GNAO1: variants seen among roughly 807,000 people sequenced by gnomAD.
GNAO1 encodes the protein G protein subunit alpha o1, also known as guanine nucleotide-binding protein G(o) subunit alpha.
For missense variants in GNAO1, 166 were observed against 478.7 expected (o/e 0.35, Z 6.10); for synonymous variants, 164 against 180.7 (o/e 0.91, Z 0.74).
chr16:56,322,481 G>A (rs182150199), intron 3 of GNAO1, among the ~76,000 whole-genome samples: 8 of 152,200 alleles, frequency 5.3e-5, no homozygotes, highest in Non-Finnish European at 1.2e-4. Context: ...AGACAAAGGA[G>A]CAGGGTCTCC....
chr16:56,197,431 C>G (rs1185694537), intron 2 of GNAO1, among the ~76,000 whole-genome samples: 1 of 152,204 alleles, frequency 6.6e-6, no homozygotes, highest in East Asian at 1.9e-4. Context: ...ATGGATGGTG[C>G]TCTCTCCCTC....
intron 3 of GNAO1, among the ~76,000 whole-genome samples, chr16:56,324,590 G>A (rs1174361858): frequency 2.6e-5 from 4 of 152,180 alleles, no homozygotes; most frequent in Middle Eastern, 3.2e-3. Flanking sequence ...AGGTGGAGGC[G>A]CCACCCCTGC....
Position 56,347,933 on chromosome 16 carries a change from G to A in GNAO1, c.724-3451G>A, listed in dbSNP as rs541142772. On this transcript the variant is annotated intron_variant, in intron 6 of 8. Transcript: ENST00000262493. The stretch of plus-strand genomic sequence containing the variant: ...CCGTCCCCCACCCTGCCCCTGCTGA[G>A]TATCTTCTTCCTCCCCACGCACCCC... The A allele has an allele frequency of 9.6e-6, 9 of 934,072 alleles. No homozygotes were observed. The South Asian group carries it at 4.5e-4, about 46-fold the overall frequency. The allele number at this position is 934,072 out of a possible 1,614,324, so 57.9% of individuals were successfully genotyped here.
intron 2 of GNAO1, among the ~76,000 whole-genome samples, chr16:56,199,701 G>T (rs1432978716): frequency 4.6e-5 from 7 of 152,200 alleles, no homozygotes; most frequent in Admixed American, 4.6e-4. Context: ...GGCTCTTTCG[G>T]GTTTCCAGCT....
Position 56,354,401 on chromosome 16 carries a change from C to T in GNAO1, c.878-465C>T, listed in dbSNP as rs1359687972. On this transcript the variant is annotated intron_variant, in intron 7 of 8. Transcript: ENST00000262493. This position sits in a 1 kb window ranked among gnomAD's most constrained non-coding sequence, Gnocchi z 4.3. The stretch of plus-strand genomic sequence containing the variant: ...TATCAAAAGTAATGGCAAGGCCAGG[C>T]GTGGTGGCTCACGTCTGTAATCCCA... Among the ~76,000 whole-genome samples, 3 of 152,212 alleles carry T rather than the reference C, an allele frequency of 2.0e-5. No individual in the cohort carries two copies. The highest frequency in any genetic ancestry group is 6.5e-5 in the Admixed American group (1 of 15,282).
Position 56,276,346 on chromosome 16 carries a change from G to A in GNAO1, c.303+274G>A, listed in dbSNP as rs903534708. 2.8e-5 allele frequency: 9 copies of A among 317,296 alleles called. No individual in the cohort carries two copies. In the Admixed American group the frequency reaches 3.6e-4, roughly 13 times the overall value. 19.7% of individuals were successfully genotyped at this position (317,296 alleles called of 1,614,324 possible). A position where few individuals can be genotyped will look rare whatever the true frequency, so the allele number is the denominator to read the frequency against. The stretch of plus-strand genomic sequence containing the variant: ...GAGTTGGTGACAGTTCTAAATTGGA[G>A]CTGCCACAACACTGTCTAAGTACCT... On this transcript the variant is annotated intron_variant, in intron 3 of 8. Coordinates refer to ENST00000262493, the MANE Select transcript of GNAO1 (RefSeq NM_020988.3).
intron 2 of GNAO1, among the ~76,000 whole-genome samples, chr16:56,220,613 G>A (rs766077751): frequency 2.0e-5 from 3 of 152,200 alleles, no homozygotes; most frequent in East Asian, 1.9e-4. Flanking sequence ...TGGTTTGAAT[G>A]TGCGTCCCCT....
At chr16:56,324,747 T>A (rs1434841310) in intron 3 of GNAO1, among the ~76,000 whole-genome samples, 1 of 152,216 alleles carries the variant, frequency 6.6e-6, no homozygotes, top group Non-Finnish European at 1.5e-5. Context: ...CCCCACGGGC[T>A]GGGTTGTTGG....
At position 56,326,538 on chromosome 16, in the gene GNAO1, A is replaced by G. The variant is rs1313261825; in HGVS notation, c.304-2093A>G. 6.6e-6 allele frequency among the ~76,000 whole-genome samples: 1 copy of G among 152,242 alleles called. No individual in the cohort carries two copies. The highest frequency in any genetic ancestry group is 2.4e-5 in the African/African-American group (1 of 41,474). On this transcript the variant is annotated intron_variant, in intron 3 of 8. Coordinates refer to ENST00000262493, the MANE Select transcript of GNAO1 (RefSeq NM_020988.3). This position sits in a 1 kb window ranked among gnomAD's most constrained non-coding sequence, Gnocchi z 4.8. ...CACCGAGGAAGTGGGGAAGCCACAC[A>G]GGAAGGGAGGGAAGCCATGAAGGGG...
At chr16:56,282,363 ATTCTCAT>A (rs2037122909) in intron 3 of GNAO1, among the ~76,000 whole-genome samples, 2 of 77,002 alleles carry the variant, frequency 2.6e-5, no homozygotes, top group African/African-American at 1.2e-4. Context: ...GTTGGCAATT[ATTCTCAT>A]TTATTTGTCT....
At chr16:56,278,745 C>T (rs536281248) in intron 3 of GNAO1, among the ~76,000 whole-genome samples, 1 of 152,222 alleles carries the variant, frequency 6.6e-6, no homozygotes, top group African/African-American at 2.4e-5. Flanking sequence ...GTAGGAGGAG[C>T]AGATAATTCA....
rs2037100223 is a variant in GNAO1 at position 56,280,063 on chromosome 16, C to T, written c.303+3991C>T. 2.0e-5 allele frequency among the ~76,000 whole-genome samples: 3 copies of T among 152,330 alleles called. No homozygotes were observed. The South Asian group carries it at 6.2e-4, about 32-fold the overall frequency. On this transcript the variant is annotated intron_variant, in intron 3 of 8. Coordinates refer to ENST00000262493, the MANE Select transcript of GNAO1 (RefSeq NM_020988.3). ...TGTAACTTTGTCACTACATCAACAG[C>T]TGTTGATTGAGTACCTACCATGTGT...
At chr16:56,240,159 G>A (rs2036680427) in intron 2 of GNAO1, among the ~76,000 whole-genome samples, 1 of 152,130 alleles carries the variant, frequency 6.6e-6, no homozygotes, top group African/African-American at 2.4e-5. Flanking sequence ...TCTTCCTCAG[G>A]TGTGTCTGAA....
chr16:56,307,774 TCTCA>T (rs1218997028), intron 3 of GNAO1: 1 of 152,334 alleles, frequency 6.6e-6, no homozygotes, highest in African/African-American at 2.4e-5. Flanking sequence ...CTGGCCACTG[TCTCA>T]CTCTCTCTCA....
At chr16:56,280,570 A>G (rs1482263633) in intron 3 of GNAO1, among the ~76,000 whole-genome samples, 5 of 152,038 alleles carry the variant, frequency 3.3e-5, no homozygotes, top group Non-Finnish European at 7.4e-5. Context: ...GCATGTGCAG[A>G]GTGGACAGGG....
At chr16:56,346,136 C>T (rs1331575379) in intron 6 of GNAO1, 40 of 985,330 alleles carry the variant, frequency 4.1e-5, no homozygotes, top group Non-Finnish European at 4.5e-5. Flanking sequence ...TCTCAATCCT[C>T]CCACCCTAGC....
chr16:56,355,521 C>T (rs2037960101), intron 8 of GNAO1: 2 of 152,414 alleles, frequency 1.3e-5, no homozygotes, highest in Non-Finnish European at 1.5e-5. Flanking sequence ...GCCTCTGCGC[C>T]CTCAGTTCCG....
chr16:56,238,287 C>T (rs1377739781), intron 2 of GNAO1, among the ~76,000 whole-genome samples: 1 of 152,186 alleles, frequency 6.6e-6, no homozygotes, highest in Non-Finnish European at 1.5e-5. Context: ...GTTGGCTACT[C>T]CTCTTCTCTC....
At chr16:56,344,141 G>C (rs888643842) in intron 6 of GNAO1, 1 of 1,440,200 alleles carries the variant, frequency 6.9e-7, no homozygotes, top group Non-Finnish European at 9.1e-7. Context: ...ACGCAGGGGC[G>C]GGGCGGGGCT....
Sources: allele counts gnomAD v4.1 joint callset (sites outside exome capture counted in the v4.1 genomes callset), GRCh38; gene constraint gnomAD v4.1.1; non-coding constraint Gnocchi (gnomAD v3.1); transcripts MANE v1.5; gene names NCBI Gene and HGNC (gene_info 2026-07-23, HGNC 2026-07-21).